Variants in RAB11FIP4 observed in about 807,000 individuals in gnomAD.
RAB11FIP4 encodes the protein RAB11 family interacting protein 4, also known as rab11 family-interacting protein 4.
RAB11FIP4 carries 23 observed loss-of-function variants against 74.3 expected under a neutral mutation model. The observed-to-expected ratio is 0.31, with a 90% confidence interval of 0.22 to 0.44. RAB11FIP4 has a LOEUF of 0.44. Among genes scored for constraint, RAB11FIP4 ranks in the 20% least tolerant of loss-of-function variants. RAB11FIP4 has a pLI of 1.00. For missense variants in RAB11FIP4, 630 were observed against 863.9 expected, an observed-to-expected ratio of 0.73 and a Z score of 3.39; for synonymous variants, 360 against 359.9, an observed-to-expected ratio of 1.00 and a Z score of 0.00.
At chr17:31,504,325 G>T (rs1342437339) in intron 3 of RAB11FIP4, among the ~76,000 whole-genome samples, 6 of 151,924 alleles carry the variant, frequency 3.9e-5, no homozygotes, top group Admixed American at 3.3e-4. Context: ...TAGAGATGGG[G>T]TTTCACTGTG....
intron 3 of RAB11FIP4, among the ~76,000 whole-genome samples, chr17:31,486,817 C>T (rs1482096130): frequency 2.0e-5 from 3 of 152,000 alleles, no homozygotes; most frequent in South Asian, 2.1e-4. Context: ...TTGGAAAGTC[C>T]CCAGCAGTTC....
At chr17:31,427,374 A>G (rs1224605310) in intron 1 of RAB11FIP4, among the ~76,000 whole-genome samples, 3 of 152,178 alleles carry the variant, frequency 2.0e-5, no homozygotes, top group African/African-American at 4.8e-5. Context: ...AGCTTGGGCC[A>G]TGGCGTGGGT....
chr17:31,525,400 G>A (rs2072748037), intron 10 of RAB11FIP4, 170 bp downstream of exon 10: 3 of 668,708 alleles, frequency 4.5e-6, no homozygotes, highest in South Asian at 3.9e-5. Flanking sequence ...AAACACAGAG[G>A]CATGCTCTTC....
chr17:31,528,592 C>CCTGCCAACCTGCTT (rs777782159), intron 12 of RAB11FIP4, 28 bp from the exon 13 acceptor site: 1 of 1,613,344 alleles, frequency 6.2e-7, no homozygotes, highest in Non-Finnish European at 8.5e-7. Flanking sequence ...CATCCCTGCT[C>CCTGCCAACCTGCTT]CTGCCAACCT....
chr17:31,500,938 G>A (rs1228463418), intron 3 of RAB11FIP4, among the ~76,000 whole-genome samples: 1 of 151,858 alleles, frequency 6.6e-6, no homozygotes, highest in Non-Finnish European at 1.5e-5. Context: ...CAGGAGAGTC[G>A]CTTGAACTCG....
intron 3 of RAB11FIP4, among the ~76,000 whole-genome samples, chr17:31,440,084 T>G (rs1360733860): frequency 6.6e-6 from 1 of 152,242 alleles, no homozygotes; most frequent in Non-Finnish European, 1.5e-5. Flanking sequence ...TGTATCATTT[T>G]GTGCCTTCTG....
chr17:31,406,270 T>A (rs2071040783), intron 1 of RAB11FIP4, among the ~76,000 whole-genome samples: 1 of 152,232 alleles, frequency 6.6e-6, no homozygotes, highest in Admixed American at 6.5e-5. Context: ...TGGGCTCTGC[T>A]CCCAGCGCAG....
intron 1 of RAB11FIP4, among the ~76,000 whole-genome samples, chr17:31,429,910 C>G (rs949196809): frequency 6.6e-6 from 1 of 152,080 alleles, no homozygotes; most frequent in Non-Finnish European, 1.5e-5. Flanking sequence ...TCCCGTGTAC[C>G]TGAATTGCAA....
chr17:31,521,787 TCCCTGC>T, intron 5 of RAB11FIP4, 122 bp from the exon 6 acceptor site: 1 of 1,045,284 alleles, frequency 9.6e-7, no homozygotes, highest in Non-Finnish European at 1.4e-6. Flanking sequence ...ATATTTCCAC[TCCCTGC>T]CCCTCCCCCG....
intron 1 of RAB11FIP4, among the ~76,000 whole-genome samples, chr17:31,404,138 T>G (rs1372989944): frequency 1.3e-5 from 2 of 152,240 alleles, no homozygotes; most frequent in Non-Finnish European, 2.9e-5. Context: ...TAGGTAATCC[T>G]CTGCAGGCCC....
intron 3 of RAB11FIP4, among the ~76,000 whole-genome samples, chr17:31,482,038 G>C (rs1265839503): frequency 7.2e-5 from 11 of 152,132 alleles, no homozygotes. Flanking sequence ...TCCTCTCCTG[G>C]GCTGGCACAG....
chr17:31,486,103 A>T (rs570864869), intron 3 of RAB11FIP4, among the ~76,000 whole-genome samples: 7 of 150,478 alleles, frequency 4.7e-5, no homozygotes, highest in Non-Finnish European at 7.4e-5. Flanking sequence ...GCGTGGTGGC[A>T]CACACCAGTA....
chr17:31,402,826 CGTG>C (rs1314966644), intron 1 of RAB11FIP4, among the ~76,000 whole-genome samples: 9 of 151,710 alleles, frequency 5.9e-5, no homozygotes, highest in South Asian at 2.1e-4. Flanking sequence ...GGGGTTTCAC[CGTG>C]TTAGCCAGGA....
At chr17:31,494,706 CCCTCAGGTGAT>C (rs2072080746) in intron 3 of RAB11FIP4, among the ~76,000 whole-genome samples, 1 of 152,020 alleles carries the variant, frequency 6.6e-6, no homozygotes, top group East Asian at 1.9e-4. Flanking sequence ...CGAATTCCTG[CCCTCAGGTGAT>C]CCTCCCACCG....
In RAB11FIP4 at chr17:31,392,005, C is replaced by A. The variant is rs1292592448; in HGVS notation, c.153C>A (p.Gly51=). 2.3e-6 allele frequency: 3 copies of A among 1,325,510 alleles called. No homozygotes were observed. The highest frequency in any genetic ancestry group is 1.5e-5 in the African/African-American group (1 of 65,348). 82.1% of individuals were successfully genotyped at this position (1,325,510 alleles called of 1,614,324 possible). A position where few individuals can be genotyped will look rare whatever the true frequency, so the allele number is the denominator to read the frequency against. The change falls in exon 1 of 15, where the codon GGC becomes GGA. Residue 51 remains glycine (G), a synonymous_variant. Coordinates refer to ENST00000621161, the MANE Select transcript of RAB11FIP4 (RefSeq NM_032932.6). ...VAALGLRFGQ[G]EEVEKLVKYL... ...CGCTCGGACTGCGCTTCGGCCAGGG[C>A]GAGGAGGTAAGCTGGCCCGACCCCA...
At chr17:31,482,668 C>G (rs1298606710) in intron 3 of RAB11FIP4, among the ~76,000 whole-genome samples, 1 of 152,122 alleles carries the variant, frequency 6.6e-6, no homozygotes, top group South Asian at 2.1e-4. Context: ...TCTGCAGTCT[C>G]AGAGTCCTGC....
intron 3 of RAB11FIP4, among the ~76,000 whole-genome samples, chr17:31,464,289 C>T (rs1036596254): frequency 1.3e-5 from 2 of 151,596 alleles, no homozygotes; most frequent in African/African-American, 4.8e-5. Flanking sequence ...GGCATTCTTC[C>T]CATCTCGTGG....
chr17:31,412,243 C>T (rs1368680286), intron 1 of RAB11FIP4, among the ~76,000 whole-genome samples: 2 of 152,146 alleles, frequency 1.3e-5, no homozygotes, highest in African/African-American at 4.8e-5. Context: ...TGGAAATGGC[C>T]CATTTAATGT....
Position 31,522,367 on chromosome 17 carries a change from C to A in RAB11FIP4, c.901C>A (p.Arg301=). 1 of 1,614,002 alleles carries A rather than the reference C, an allele frequency of 6.2e-7. No individual in the cohort carries two copies. The highest frequency in any genetic ancestry group is 8.5e-7 in the Non-Finnish European group (1 of 1,179,930). Residue 301 remains arginine (R), a synonymous_variant, in exon 7 of 15, where the codon CGA becomes AGA. Coordinates refer to ENST00000621161, the MANE Select transcript of RAB11FIP4 (RefSeq NM_032932.6). ...TTTCCTTTCTCTCTCTAGCCCCAAC[C>A]GAAAGATCTCCAGCACGGCCTTTGG... ...LKNLKANSPN[R]KISSTAFGRQ...
Sources: gnomAD v4.1 joint callset for allele counts (sites outside exome capture counted in the v4.1 genomes callset) on GRCh38, gnomAD v4.1.1 for gene constraint, MANE v1.5 for transcripts, NCBI Gene and HGNC (gene_info 2026-07-23, HGNC 2026-07-21) for gene names.